Variants in FTO observed in about 807,000 individuals in gnomAD.
FTO encodes the protein alpha-ketoglutarate-dependent dioxygenase FTO.
A neutral mutation model predicts 63.9 loss-of-function variants in FTO; 47 were observed. That is an observed-to-expected ratio of 0.74 (90% confidence interval 0.58 to 0.94). FTO has a LOEUF of 0.94. FTO is among the 40% of genes least tolerant of loss of function. FTO has a pLI of 0.00. For synonymous variants in FTO, 207 were observed against 224.4 expected (o/e 0.92, Z 0.69); for missense variants, 562 against 618.1 (o/e 0.91, Z 0.96).
At chr16:53,870,791 A>T (rs978789670) in intron 4 of FTO, among the ~76,000 whole-genome samples, 4 of 152,188 alleles carry the variant, frequency 2.6e-5, no homozygotes, top group Non-Finnish European at 5.9e-5. Context: ...CTTTGAGCAG[A>T]TCTAAATTCC....
At chr16:54,018,409 G>GATAGATAGATACATAC (rs1474063795) in intron 8 of FTO, among the ~76,000 whole-genome samples, 57 of 142,220 alleles carry the variant, frequency 4.0e-4, no homozygotes, top group Admixed American at 6.3e-4. Flanking sequence ...TAGATAGATA[G>GATAGATAGATACATAC]ATACATACAT....
At chr16:53,717,834 A>G (rs1221910295) in intron 1 of FTO, among the ~76,000 whole-genome samples, 2 of 152,096 alleles carry the variant, frequency 1.3e-5, no homozygotes, top group South Asian at 2.1e-4. Context: ...TGAATGCTTA[A>G]ATAATCAGAT....
chr16:54,030,014 A>G (rs2084793411), intron 8 of FTO, among the ~76,000 whole-genome samples: 2 of 152,322 alleles, frequency 1.3e-5, no homozygotes, highest in East Asian at 3.9e-4. Context: ...AAAATATTTC[A>G]GGTAACCAGT....
At chr16:54,004,115 A>G (rs1401987425) in intron 8 of FTO, among the ~76,000 whole-genome samples, 2 of 152,224 alleles carry the variant, frequency 1.3e-5, no homozygotes, top group Middle Eastern at 6.3e-3. Context: ...TCAATTCTGG[A>G]TAATAGATAA....
chr16:53,809,345 G>C (rs2078458705), intron 1 of FTO, among the ~76,000 whole-genome samples: 1 of 152,186 alleles, frequency 6.6e-6, no homozygotes, highest in South Asian at 2.1e-4. Flanking sequence ...TCAAATAAAT[G>C]TTTACAAGAT....
chr16:54,095,694 T>C (rs1196229271), intron 8 of FTO, among the ~76,000 whole-genome samples: 1 of 152,140 alleles, frequency 6.6e-6, no homozygotes, highest in East Asian at 1.9e-4. Flanking sequence ...CTTGTCCTCC[T>C]TTCAAAGAGG....
intron 8 of FTO, among the ~76,000 whole-genome samples, chr16:54,094,894 T>C (rs1327128685): frequency 2.0e-5 from 3 of 152,126 alleles, no homozygotes; most frequent in Non-Finnish European, 4.4e-5. Flanking sequence ...GATCATATCA[T>C]CCTCCTGCTT....
chr16:53,761,169 T>A (rs2077059282), intron 1 of FTO, among the ~76,000 whole-genome samples: 2 of 151,872 alleles, frequency 1.3e-5, no homozygotes, highest in Admixed American at 1.3e-4. Flanking sequence ...CAATCATAGC[T>A]CACTGCAGCA....
chr16:54,078,664 A>T (rs943957373), intron 8 of FTO, among the ~76,000 whole-genome samples: 1 of 152,130 alleles, frequency 6.6e-6, no homozygotes, highest in African/African-American at 2.4e-5. Context: ...TCTGAACAGT[A>T]GATTCAAAAT....
chr16:54,026,952 C>T (rs2084727386), intron 8 of FTO, among the ~76,000 whole-genome samples: 1 of 152,074 alleles, frequency 6.6e-6, no homozygotes, highest in South Asian at 2.1e-4. Context: ...TAGAATATAA[C>T]TCCATTTAAA....
At chr16:53,989,311 G>A (rs1205846940) in intron 8 of FTO, among the ~76,000 whole-genome samples, 1 of 152,148 alleles carries the variant, frequency 6.6e-6, no homozygotes, top group Non-Finnish European at 1.5e-5. Context: ...GCAAGAGATG[G>A]GGAAACCTTC....
At chr16:53,935,985 C>T (rs572004803) in intron 8 of FTO, 7 of 152,224 alleles carry the variant, frequency 4.6e-5, no homozygotes, top group East Asian at 1.9e-4. Context: ...GTCCAAAGAC[C>T]GTGTGGCCCA....
intron 8 of FTO, among the ~76,000 whole-genome samples, chr16:54,068,385 A>C (rs1294687224): frequency 7.2e-5 from 11 of 152,330 alleles, no homozygotes; most frequent in African/African-American, 2.6e-4. Context: ...CCTGAAAGCC[A>C]GAAGGGCAAA....
At chr16:53,894,596 T>A (rs2081231485) in intron 7 of FTO, among the ~76,000 whole-genome samples, 1 of 151,142 alleles carries the variant, frequency 6.6e-6, no homozygotes, top group South Asian at 2.1e-4. Context: ...AAATATCGAA[T>A]TTTTTTGTTT....
chr16:53,969,933 C>T (rs955756217), intron 8 of FTO, among the ~76,000 whole-genome samples: 3 of 152,126 alleles, frequency 2.0e-5, no homozygotes, highest in African/African-American at 7.2e-5. Context: ...AGTTGCTAAG[C>T]ACGGAGGAGG....
At chr16:54,021,986 T>C (rs1278712963) in intron 8 of FTO, among the ~76,000 whole-genome samples, 3 of 152,168 alleles carry the variant, frequency 2.0e-5, no homozygotes, top group Non-Finnish European at 4.4e-5. Context: ...AGCCAACCCC[T>C]TTTCCTCGGA....
At chr16:53,881,813 G>A (rs2080845641) in intron 6 of FTO, among the ~76,000 whole-genome samples, 1 of 152,044 alleles carries the variant, frequency 6.6e-6, no homozygotes, top group Non-Finnish European at 1.5e-5. Context: ...GCTTTATATT[G>A]CTACTTTAAG....
intron 1 of FTO, among the ~76,000 whole-genome samples, chr16:53,709,423 G>T (rs1052960536): frequency 6.6e-6 from 1 of 152,184 alleles, no homozygotes; most frequent in East Asian, 1.9e-4. Context: ...TTACTGTAGG[G>T]ATAGGGGATT....
intron 1 of FTO, among the ~76,000 whole-genome samples, chr16:53,765,767 CA>C (rs951717700): frequency 6.6e-6 from 1 of 151,838 alleles, no homozygotes; most frequent in African/African-American, 2.4e-5. Flanking sequence ...AAGAGCTTAG[CA>C]TGTAGAAGGA....
Sources: gnomAD v4.1 joint callset for allele counts (sites outside exome capture counted in the v4.1 genomes callset) on GRCh38, gnomAD v4.1.1 for gene constraint, MANE v1.5 for transcripts, NCBI Gene and HGNC (gene_info 2026-07-23, HGNC 2026-07-21) for gene names.